MSN: variants seen among roughly 807,000 people sequenced by gnomAD.
MSN encodes epididymis luminal protein 70.
A neutral mutation model predicts 48.0 loss-of-function variants in MSN; 2 were observed. That is an observed-to-expected ratio of 0.04 (90% CI 0.02 to 0.13). The LOEUF (loss-of-function observed/expected upper bound fraction) is 0.13. Ranked by LOEUF, MSN falls within the 10% of genes least tolerant of loss-of-function variation. The probability of loss-of-function intolerance (pLI) is 1.00; values close to 1 mark genes in which losing one functional copy is unlikely to be tolerated. For missense variants in MSN, 267 were observed against 470.1 expected (o/e 0.57, Z 3.99); for synonymous variants, 146 against 166.9 (o/e 0.87, Z 0.97).
chrX:65,707,679 C>T (rs1204378748), intron 1 of MSN, among the ~76,000 whole-genome samples: 3 of 112,414 alleles, frequency 2.7e-5, no homozygotes, highest in Admixed American at 9.4e-5. Flanking sequence ...AGACCACTGT[C>T]TTCTCTTTAG....
At chrX:65,696,597 A>G (rs757927701) in intron 1 of MSN, among the ~76,000 whole-genome samples, 49 of 111,160 alleles carry the variant, frequency 4.4e-4, no homozygotes, top group East Asian at 8.5e-4. Flanking sequence ...AAGAACTGAT[A>G]TGAATATGTG....
At chrX:65,738,418 G>A (rs1317609943) in intron 10 of MSN, 107 bp from the exon 11 acceptor site, 1 of 583,209 alleles carries the variant, frequency 1.7e-6, no homozygotes, top group Non-Finnish European at 2.7e-6. Context: ...CAGCAAGCAA[G>A]TGGAGCAGTA....
At chrX:65,610,062 A>G (rs2070308672) in intron 1 of MSN, among the ~76,000 whole-genome samples, 1 of 111,436 alleles carries the variant, frequency 9.0e-6, no homozygotes, top group Non-Finnish European at 1.9e-5. Flanking sequence ...CGTTATTACC[A>G]TTTTTTCCTT....
chrX:65,619,732 T>C (rs1411363107), intron 1 of MSN, among the ~76,000 whole-genome samples: 1 of 109,325 alleles, frequency 9.1e-6, no homozygotes, highest in Non-Finnish European at 1.9e-5. Context: ...TCCATCCAGC[T>C]TTGTTCCGTT....
chrX:65,666,105 C>T (rs937073130), upstream of MSN, among the ~76,000 whole-genome samples: 7 of 111,224 alleles, frequency 6.3e-5, no homozygotes, highest in Non-Finnish European at 1.3e-4. Flanking sequence ...CTCCGCCTCC[C>T]GGAAGCGATT....
intron 1 of MSN, among the ~76,000 whole-genome samples, chrX:65,701,485 C>A (rs777223060): frequency 8.9e-6 from 1 of 112,104 alleles, no homozygotes; most frequent in Non-Finnish European, 1.9e-5. Flanking sequence ...AGCATCAAGG[C>A]CATGTGTTGT....
At chrX:65,725,466 C>A (rs907277043) in intron 2 of MSN, among the ~76,000 whole-genome samples, 3 of 109,924 alleles carry the variant, frequency 2.7e-5, no homozygotes, top group African/African-American at 1.0e-4. Flanking sequence ...TTGCCTTTTC[C>A]CACCAATTGC....
At chrX:65,590,912 T>G (rs1025050080) in intron 1 of MSN, among the ~76,000 whole-genome samples, 2 of 111,522 alleles carry the variant, frequency 1.8e-5, no homozygotes, top group African/African-American at 6.5e-5. Context: ...GGTTTGGAAC[T>G]GACCTCTTTG....
At position 65,731,822 on chromosome X, in the gene MSN, A is replaced by C; in HGVS notation, c.552-16A>C. ...CACAAGCCCCACTTTGTGACCCCCA[A>C]CTCTGTGTCATTTAGGGAGGATGCT... On this transcript the variant is annotated splice_polypyrimidine_tract_variant and intron_variant, in intron 5 of 12. Coordinates refer to ENST00000360270, the MANE Select transcript of MSN (RefSeq NM_002444.3). 4 of 1,203,028 alleles carry C rather than the reference A, an allele frequency of 3.3e-6. No individual in the cohort carries two copies. The highest frequency in any genetic ancestry group is 3.6e-5 in the South Asian group (2 of 55,752).
rs1054828587 is a variant in MSN, at chrX:65,737,128, G to A, written c.1091-50G>A. The A allele has an allele frequency of 1.2e-5, 14 of 1,171,944 alleles. No homozygotes were observed. In the Middle Eastern group the frequency reaches 7.0e-4, roughly 59 times the overall value. Reference sequence around the variant, plus strand: ...TTTCCAGGAACGAAGCTATTGTGTCGTCTTTATCTCTGTGCTCTTCACTGC... The same window carrying A: ...TTTCCAGGAACGAAGCTATTGTGTCATCTTTATCTCTGTGCTCTTCACTGC... On this transcript the variant is annotated intron_variant, in intron 9 of 12. Transcript: ENST00000360270.
intron 1 of MSN, among the ~76,000 whole-genome samples, chrX:65,609,074 A>AT (rs1213247686): frequency 2.9e-5 from 3 of 105,207 alleles, no homozygotes; most frequent in African/African-American, 1.0e-4. Flanking sequence ...TTTATATTTT[A>AT]TTTTTTATTA....
chrX:65,733,234 T>C lies in MSN; in HGVS notation c.749T>C (p.Phe250Ser). ...FPWSEIRNIS[F>S]NDKKFVIKPI... ...TGGAGTGAAATCAGGAACATCTCTT[T>C]CAATGATAAGAAATTTGTCATCAAG... The change falls in exon 7 of 13, where the codon TTC (phenylalanine) becomes TCC (serine). Residue 250 changes from phenylalanine to serine, a missense_variant. Coordinates refer to ENST00000360270, the MANE Select transcript of MSN (RefSeq NM_002444.3). 1 of 1,211,376 alleles carries C rather than the reference T, an allele frequency of 8.3e-7. No individual in the cohort carries two copies.
intron 1 of MSN, among the ~76,000 whole-genome samples, chrX:65,631,372 A>T (rs1468278990): frequency 2.7e-5 from 3 of 110,363 alleles, no homozygotes; most frequent in Non-Finnish European, 3.8e-5. Context: ...GAGATTACAG[A>T]TGTGAGCCAC....
chrX:65,677,544 G>A (rs1464135900), intron 1 of MSN, among the ~76,000 whole-genome samples: 2 of 111,478 alleles, frequency 1.8e-5, no homozygotes, highest in Non-Finnish European at 3.8e-5. Context: ...GATCATTTGA[G>A]GTCAGGAATT....
chrX:65,615,276 C>T (rs1452674522), intron 1 of MSN, among the ~76,000 whole-genome samples: 9 of 108,299 alleles, frequency 8.3e-5, no homozygotes, highest in East Asian at 2.9e-4. Flanking sequence ...TGAGGAATCG[C>T]CACACTGACT....
Position 65,741,018 on chromosome X carries a change from T to C in MSN, c.*1125T>C. On this transcript the variant is annotated 3_prime_UTR_variant, in exon 13 of 13. Transcript: ENST00000360270. ...AAAGCTGAGTATGGTGAGAGAAGCCTGTGCCCTGATCCAAGTTTACTCAAC... is the reference window on the plus strand; with the variant it reads ...AAAGCTGAGTATGGTGAGAGAAGCCCGTGCCCTGATCCAAGTTTACTCAAC... 1.2e-5 allele frequency: 2 copies of C among 167,401 alleles called. No individual in the cohort carries two copies. Among genetic ancestry groups the C allele is most frequent in the Non-Finnish European group, 1.1e-5 (1 of 87,398 alleles). 13.8% of individuals were successfully genotyped at this position (167,401 alleles called of 1,213,427 possible). A position where few individuals can be genotyped will look rare whatever the true frequency, so the allele number is the denominator to read the frequency against.
intron 1 of MSN, among the ~76,000 whole-genome samples, chrX:65,621,214 C>A (rs753200655): frequency 2.7e-5 from 3 of 111,662 alleles, no homozygotes; most frequent in African/African-American, 9.8e-5. Flanking sequence ...CGTGCCCTGC[C>A]CAGATTGATA....
At chrX:65,679,025 A>T (rs1237525469) in intron 1 of MSN, among the ~76,000 whole-genome samples, 1 of 111,581 alleles carries the variant, frequency 9.0e-6, no homozygotes, top group Non-Finnish European at 1.9e-5. Flanking sequence ...ATCAACATGT[A>T]AGCAGCCCCC....
intron 1 of MSN, among the ~76,000 whole-genome samples, chrX:65,645,199 C>G (rs1326173507): frequency 8.9e-6 from 1 of 111,797 alleles, no homozygotes; most frequent in Admixed American, 9.5e-5. Context: ...GTGTGCTTCC[C>G]AGGCTGCTCT....
Sources: allele counts gnomAD v4.1 joint callset (sites outside exome capture counted in the v4.1 genomes callset), GRCh38; gene constraint gnomAD v4.1.1; transcripts MANE v1.5; gene names NCBI Gene and HGNC (gene_info 2026-07-23, HGNC 2026-07-21).